Variants in SCN11A observed in about 807,000 individuals in gnomAD.
SCN11A encodes the protein sodium channel protein type 11 subunit alpha.
In SCN11A, 122 loss-of-function variants were observed where a neutral mutation model predicts 162.2. The observed-to-expected ratio is 0.75, with a 90% CI of 0.65 to 0.87. SCN11A has a LOEUF of 0.87. Ranked by LOEUF, SCN11A falls within the 40% of genes least tolerant of loss-of-function variation. The pLI is 0.00. For missense variants in SCN11A, 2,015 were observed against 2,181.6 expected (o/e 0.92, Z 1.52); for synonymous variants, 758 against 751.5 (o/e 1.01, Z -0.14).
intron 3 of SCN11A, among the ~76,000 whole-genome samples, chr3:38,956,562 C>T (rs2066684001): frequency 6.6e-6 from 1 of 152,092 alleles, no homozygotes; most frequent in Non-Finnish European, 1.5e-5. Flanking sequence ...TTGACCTTGA[C>T]CTTGAATGTG....
intron 4 of SCN11A, among the ~76,000 whole-genome samples, chr3:38,951,150 A>G (rs2066607556): frequency 6.6e-6 from 1 of 152,210 alleles, no homozygotes; most frequent in South Asian, 2.1e-4. Context: ...GGAGGTGTGG[A>G]GGGAGAGGCG....
At chr3:38,984,979 G>A (rs1270389403) in intron 2 of SCN11A, among the ~76,000 whole-genome samples, 1 of 142,560 alleles carries the variant, frequency 7.0e-6, no homozygotes, top group Admixed American at 6.7e-5. Context: ...AGGAGATGAG[G>A]CAGAGATGTA....
At chr3:38,971,282 C>A (rs1007802672) in intron 2 of SCN11A, among the ~76,000 whole-genome samples, 1 of 151,932 alleles carries the variant, frequency 6.6e-6, no homozygotes, top group African/African-American at 2.4e-5. Context: ...AGAAGAGACA[C>A]GTGAAAGAAA....
Position 38,850,716 on chromosome 3 carries a change from T to G in SCN11A, c.4092A>C (p.Thr1364=). The G allele has an allele frequency of 6.2e-7, 1 of 1,612,744 alleles. No individual in the cohort carries two copies. Among genetic ancestry groups the G allele is most frequent in the Admixed American group, 1.7e-5 (1 of 59,840 alleles). Residue 1364 remains threonine (T), a synonymous_variant, in exon 29 of 30, where the codon ACA becomes ACC. Transcript: ENST00000302328. ...TGATGATGATGTCAAAGATCTGGCT[T>G]GTGACTATGTCGAACACGAGACCTT... ...KCQGLVFDIV[T]SQIFDIIIIS...
chr3:38,929,131 G>GCGCGCGCGCACACACACACA (rs774058202), intron 7 of SCN11A, among the ~76,000 whole-genome samples: 1 of 36,994 alleles, frequency 2.7e-5, no homozygotes, highest in African/African-American at 7.1e-5. Context: ...CTGGGTCTGT[G>GCGCGCGCGCACACACACACA]CACGCACACA....
chr3:39,047,304 G>C (rs1489371840), intron 1 of SCN11A, among the ~76,000 whole-genome samples: 1 of 151,676 alleles, frequency 6.6e-6, no homozygotes, highest in Non-Finnish European at 1.5e-5. Flanking sequence ...AAATGGTGCT[G>C]GGAAAACTGA....
intron 2 of SCN11A, among the ~76,000 whole-genome samples, chr3:38,998,411 A>G (rs2030707587): frequency 6.6e-6 from 1 of 152,190 alleles, no homozygotes. Context: ...CAGCACTTCT[A>G]TGATGCTTTT....
At chr3:38,882,376 C>T (rs2065323515) in intron 22 of SCN11A, among the ~76,000 whole-genome samples, 1 of 152,078 alleles carries the variant, frequency 6.6e-6, no homozygotes, top group Admixed American at 6.6e-5. Context: ...GAACCCAAGG[C>T]TCCTGGGTTT....
At chr3:38,997,966 G>A (rs530988451) in intron 2 of SCN11A, among the ~76,000 whole-genome samples, 8 of 152,266 alleles carry the variant, frequency 5.3e-5, no homozygotes, top group South Asian at 4.1e-4. Context: ...GAGAGAATCC[G>A]ATTTTAAAAA....
At chr3:39,018,393 G>A (rs563748258) in intron 2 of SCN11A, among the ~76,000 whole-genome samples, 49 of 152,272 alleles carry the variant, frequency 3.2e-4, no homozygotes, top group South Asian at 2.3e-3. Flanking sequence ...TCAACTCAAG[G>A]AAGCTACTGT....
chr3:38,981,453 T>TGAAAAAGAC, intron 2 of SCN11A, among the ~76,000 whole-genome samples: 1 of 152,042 alleles, frequency 6.6e-6, no homozygotes, highest in East Asian at 1.9e-4. Context: ...AGCAGCAACA[T>TGAAAAAGAC]TGAGCACCAA....
chr3:39,044,505 CAAT>C (rs770655523), intron 1 of SCN11A, among the ~76,000 whole-genome samples: 13 of 151,980 alleles, frequency 8.6e-5, no homozygotes, highest in East Asian at 7.7e-4. Context: ...AACTAGAAAT[CAAT>C]AATAACAGAA....
intron 7 of SCN11A, among the ~76,000 whole-genome samples, chr3:38,939,515 C>T (rs62242306): frequency 1.3e-5 from 2 of 152,132 alleles, no homozygotes; most frequent in Non-Finnish European, 2.9e-5. Flanking sequence ...TCACTAATTC[C>T]TTATATCCCT....
chr3:39,011,219 GC>G (rs2031125177), intron 2 of SCN11A, among the ~76,000 whole-genome samples: 1 of 152,184 alleles, frequency 6.6e-6, no homozygotes, highest in Non-Finnish European at 1.5e-5. Flanking sequence ...GAAGTTACAG[GC>G]AAAATTATAA....
At chr3:39,038,832 G>T (rs149039996) in intron 1 of SCN11A, among the ~76,000 whole-genome samples, 191 of 152,214 alleles carry the variant, frequency 1.3e-3, no homozygotes, top group African/African-American at 4.3e-3. Flanking sequence ...ACACATAAAA[G>T]AATACATGAA....
At chr3:39,005,793 C>T (rs2030953000) in intron 2 of SCN11A, among the ~76,000 whole-genome samples, 1 of 152,206 alleles carries the variant, frequency 6.6e-6, no homozygotes, top group Non-Finnish European at 1.5e-5. Context: ...AGTATTTAAA[C>T]ATAACAATGA....
intron 2 of SCN11A, among the ~76,000 whole-genome samples, chr3:38,961,178 C>G (rs79814974): frequency 0.054 from 8,205 of 152,160 alleles, 732 homozygotes; most frequent in African/African-American, 0.18. Flanking sequence ...GGTCCTGCCA[C>G]AAGGGGCGCT....
chr3:38,944,197 T>A (rs2066481600), intron 7 of SCN11A, among the ~76,000 whole-genome samples: 1 of 152,250 alleles, frequency 6.6e-6, no homozygotes, highest in South Asian at 2.1e-4. Context: ...AATTTAATGC[T>A]AGCAAGAATG....
At position 38,904,120 on chromosome 3, in the gene SCN11A, G is replaced by T; in HGVS notation, c.1604-17C>A. ...TTTCTTGTTCTGGAGGAGAATGAGC[G>T]AGAGGTTGAGGAGTTAGCTCTGAAG... On this transcript the variant is annotated splice_polypyrimidine_tract_variant and intron_variant, in intron 15 of 29. Transcript: ENST00000302328. 2 of 1,513,020 alleles carry T rather than the reference G, an allele frequency of 1.3e-6. No homozygotes were observed. Among genetic ancestry groups the T allele is most frequent in the Non-Finnish European group, 1.8e-6 (2 of 1,122,998 alleles). The allele number at this position is 1,513,020 out of a possible 1,614,324, so 93.7% of individuals were successfully genotyped here.
Sources: allele counts gnomAD v4.1 joint callset (sites outside exome capture counted in the v4.1 genomes callset), GRCh38; gene constraint gnomAD v4.1.1; transcripts MANE v1.5; gene names NCBI Gene and HGNC (gene_info 2026-07-23, HGNC 2026-07-21).